Variants in PLCB4 observed in about 807,000 individuals in gnomAD.
PLCB4 encodes the protein 1-phosphatidylinositol 4,5-bisphosphate phosphodiesterase beta-4.
In PLCB4, 77 loss-of-function variants were observed where a neutral mutation model predicts 178.8. That is an observed-to-expected ratio of 0.43 (90% confidence interval 0.36 to 0.52). PLCB4 has a LOEUF of 0.52. PLCB4 is among the 20% of genes least tolerant of loss of function. PLCB4 has a pLI of 0.00. For synonymous variants in PLCB4, 496 were observed against 490.8 expected, an observed-to-expected ratio of 1.01 and a Z score of -0.14; for missense variants, 1,024 against 1,453.4, an observed-to-expected ratio of 0.70 and a Z score of 4.80.
chr20:9,104,671 G>A (rs1026119817), intron 2 of PLCB4, among the ~76,000 whole-genome samples: 8 of 151,908 alleles, frequency 5.3e-5, no homozygotes, highest in East Asian at 3.9e-4. Context: ...TATACCCTGC[G>A]TTTTAGCCCA....
rs1414660793 is a variant in PLCB4, at chr20:9,192,224, G to A, written c.-78-25166G>A. 2.6e-5 allele frequency among the ~76,000 whole-genome samples: 4 copies of A among 152,250 alleles called. No individual in the cohort carries two copies. In the East Asian group the frequency reaches 5.8e-4, roughly 22 times the overall value. On this transcript the variant is annotated intron_variant, in intron 2 of 39. Coordinates refer to ENST00000378473, the MANE Select transcript of PLCB4 (RefSeq NM_001377142.1). Reference sequence around the variant, plus strand: ...TTCCATGGGGGTTTGGGAAATTTGAGGTGATATGAGCCGAACTGCTCTGAA... The same window carrying A: ...TTCCATGGGGGTTTGGGAAATTTGAAGTGATATGAGCCGAACTGCTCTGAA...
intron 2 of PLCB4, among the ~76,000 whole-genome samples, chr20:9,124,573 A>T (rs1001793260): frequency 6.6e-6 from 1 of 152,136 alleles, no homozygotes; most frequent in Non-Finnish European, 1.5e-5. Context: ...TAAAGAAAAT[A>T]CCTCTTTTAT....
chr20:9,436,891 G>A, intron 29 of PLCB4, 111 bp from the exon 30 acceptor site: 3 of 995,298 alleles, frequency 3.0e-6, no homozygotes, highest in Non-Finnish European at 4.5e-6. Flanking sequence ...GAGAGTAGAA[G>A]TCTAGGAAGA....
chr20:9,327,172 C>T (rs1173870396), intron 4 of PLCB4, among the ~76,000 whole-genome samples: 1 of 151,198 alleles, frequency 6.6e-6, no homozygotes, highest in Non-Finnish European at 1.5e-5. Flanking sequence ...GGTGCAGTGG[C>T]TCATGCTTAT....
At chr20:9,393,793 G>A (rs2038349174) in intron 18 of PLCB4, 115 bp downstream of exon 18, 9 of 631,640 alleles carry the variant, frequency 1.4e-5, no homozygotes, top group Non-Finnish European at 2.2e-5. Flanking sequence ...GGGTGTAGGG[G>A]TGATGTTACA....
intron 4 of PLCB4, among the ~76,000 whole-genome samples, chr20:9,323,130 G>T (rs2094979575): frequency 6.6e-6 from 1 of 151,946 alleles, no homozygotes; most frequent in South Asian, 2.1e-4. Context: ...CTACCATTTC[G>T]CTGTCCCATT....
chr20:9,325,521 G>T (rs1161139756), intron 4 of PLCB4, among the ~76,000 whole-genome samples: 2 of 152,134 alleles, frequency 1.3e-5, no homozygotes, highest in Non-Finnish European at 2.9e-5. Context: ...CAGAATCTGA[G>T]CATCCAGATT....
At chr20:9,081,685 T>C (rs2090151644) in intron 1 of PLCB4, among the ~76,000 whole-genome samples, 1 of 136,694 alleles carries the variant, frequency 7.3e-6, no homozygotes, top group Non-Finnish European at 1.5e-5. Context: ...TAAGTTGATG[T>C]CTCTTAAATG....
chr20:9,145,951 G>T (rs1163630914), intron 2 of PLCB4, among the ~76,000 whole-genome samples: 1 of 152,114 alleles, frequency 6.6e-6, no homozygotes, highest in Non-Finnish European at 1.5e-5. Context: ...TTGGGCTAGA[G>T]TGTGGTTAAG....
chr20:9,478,979 C>A lies in PLCB4; in HGVS notation c.3591C>A (p.Asn1197Lys). The A allele has an allele frequency of 6.2e-7, 1 of 1,613,450 alleles. No homozygotes were observed. Among genetic ancestry groups the A allele is most frequent in the Non-Finnish European group, 8.5e-7 (1 of 1,179,540 alleles). The change falls in exon 40 of 40, where the codon AAC becomes AAA. Residue 1197 changes from asparagine (N) to lysine (K), a missense_variant. By Grantham distance (94) the Asn-to-Lys change is moderately conservative. Around this residue, in one of 7 missense-constraint regions of PLCB4, gnomAD observed 264 missense variants for 283.2 expected, o/e 0.93. Transcript: ENST00000378473. ...IGSRDGPQTS[N>K]SSMKLQNAN ...GCCGAGATGGACCGCAGACCAGCAA[C>A]AGTAGTATGAAACTCCAAAATGCAA...
chr20:9,311,960 A>G (rs1288761698), intron 4 of PLCB4, among the ~76,000 whole-genome samples: 1 of 152,192 alleles, frequency 6.6e-6, no homozygotes, highest in African/African-American at 2.4e-5. Context: ...TTAATCTTAC[A>G]TAATTTAAAT....
At chr20:9,390,392 A>G in intron 16 of PLCB4, 139 bp from the exon 17 acceptor site, 5 of 493,826 alleles carry the variant, frequency 1.0e-5, no homozygotes, top group Admixed American at 3.7e-5. Context: ...AAAGTTTTTG[A>G]TACATCTCAC....
chr20:9,311,924 C>T (rs1350366222), intron 4 of PLCB4, among the ~76,000 whole-genome samples: 3 of 152,148 alleles, frequency 2.0e-5, no homozygotes, highest in African/African-American at 7.2e-5. Flanking sequence ...TGAAATGTGG[C>T]TACTGGGACT....
intron 2 of PLCB4, among the ~76,000 whole-genome samples, chr20:9,207,604 A>G (rs1255734252): frequency 6.6e-6 from 1 of 152,110 alleles, no homozygotes; most frequent in East Asian, 1.9e-4. Flanking sequence ...TGCCATTGCT[A>G]TGGGGGGATA....
intron 2 of PLCB4, among the ~76,000 whole-genome samples, chr20:9,203,005 T>G (rs1295828516): frequency 6.8e-6 from 1 of 146,338 alleles, no homozygotes; most frequent in African/African-American, 2.6e-5. Context: ...TGAGGTAATG[T>G]CTCATGGAAC....
intron 3 of PLCB4, among the ~76,000 whole-genome samples, chr20:9,261,826 T>G (rs2147551789): frequency 6.6e-6 from 1 of 152,172 alleles, no homozygotes; most frequent in Non-Finnish European, 1.5e-5. Context: ...TTCGATACTC[T>G]CCAATAAGTG....
rs572706532 is a variant in PLCB4 at position 9,480,056 on chromosome 20, C to G, written c.*1047C>G. On this transcript the variant is annotated 3_prime_UTR_variant, in exon 40 of 40. Transcript: ENST00000378473. Reference sequence around the variant, plus strand: ...AATTATGTGGGCATTCTTGATACTTCAAGTTCTAGTTTGAAAAAAATACAT... The same window carrying G: ...AATTATGTGGGCATTCTTGATACTTGAAGTTCTAGTTTGAAAAAAATACAT... 1.3e-5 allele frequency: 2 copies of G among 152,664 alleles called. No homozygotes were observed. Among genetic ancestry groups the G allele is most frequent in the East Asian group, 1.9e-4 (1 of 5,188 alleles). The allele number at this position is 152,664 out of a possible 1,614,324, so 9.5% of individuals were successfully genotyped here.
At position 9,362,974 on chromosome 20, in the gene PLCB4, C is replaced by A; in HGVS notation, c.448C>A (p.His150Asn). 1 of 1,600,798 alleles carries A rather than the reference C, an allele frequency of 6.2e-7. No individual in the cohort carries two copies. The highest frequency in any genetic ancestry group is 8.6e-7 in the Non-Finnish European group (1 of 1,168,132). ...CAGTCCAATGACATGCCTCAAGAAA[C>A]AGTGAGTGTTGTTTGCATTACTCGT... is the stretch of plus-strand genomic sequence containing the variant. ...NVSPMTCLKK[H>N]WMKLAFMTNT... Residue 150 changes from histidine to asparagine, a missense_variant and splice_region_variant, in exon 8 of 40, where the codon CAC (histidine) becomes AAC (asparagine). Physicochemically the swap from His to Asn is moderately conservative, Grantham distance 68. Coordinates refer to ENST00000378473, the MANE Select transcript of PLCB4 (RefSeq NM_001377142.1).
intron 3 of PLCB4, among the ~76,000 whole-genome samples, chr20:9,267,874 A>C (rs751378285): frequency 2.0e-5 from 3 of 152,124 alleles, no homozygotes; most frequent in Non-Finnish European, 4.4e-5. Flanking sequence ...GTGGCTTCAG[A>C]AAAAGAGTAG....
Sources: gnomAD v4.1 joint callset for allele counts (sites outside exome capture counted in the v4.1 genomes callset) on GRCh38, gnomAD v4.1.1 for gene constraint, gnomAD v4.1.1 regional missense constraint, MANE v1.5 for transcripts, NCBI Gene and HGNC (gene_info 2026-07-23, HGNC 2026-07-21) for gene names.